CRADD: variants seen among roughly 807,000 people sequenced by gnomAD.
CRADD encodes the protein death domain-containing protein CRADD.
CRADD carries 9 observed loss-of-function variants against 15.5 expected under a neutral mutation model. The ratio of observed to expected loss-of-function variants is 0.58; its 90% CI spans 0.35 to 1.01. CRADD has a LOEUF of 1.01. CRADD is among the 50% of genes least tolerant of loss of function. The pLI is 0.02. For synonymous variants in CRADD, 118 were observed against 107.6 expected (o/e 1.10, Z -0.60); for missense variants, 227 against 250.3 (o/e 0.91, Z 0.63).
chr12:93,757,209 C>T (rs1227784381), intron 2 of CRADD, among the ~76,000 whole-genome samples: 1 of 152,318 alleles, frequency 6.6e-6, no homozygotes, highest in East Asian at 1.9e-4. Context: ...TAGTAGTACA[C>T]TTAGAGTCTA....
rs759429176 is a variant in CRADD at position 93,678,811 on chromosome 12, C to T, written c.37C>T (p.Arg13Cys). 5.6e-6 allele frequency: 9 copies of T among 1,614,082 alleles called. No homozygotes were observed. The highest frequency in any genetic ancestry group is 2.2e-5 in the South Asian group (2 of 91,074). ...ARDKQVLRSL[R>C]LELGAEVLVE... is the part of the protein sequence containing the mutation. ...AGACAAACAAGTACTCCGCTCACTTCGCCTGGAGCTGGGTGCAGAGGTATT... is the reference window on the plus strand; with the variant it reads ...AGACAAACAAGTACTCCGCTCACTTTGCCTGGAGCTGGGTGCAGAGGTATT... Residue 13 changes from arginine (R) to cysteine (C), a missense_variant, in exon 2 of 3, where the codon CGC becomes TGC. By Grantham distance (180) the Arg-to-Cys change is radical. Transcript: ENST00000332896.
chr12:93,876,107 C>T (rs1958456445), intron 2 of CRADD, among the ~76,000 whole-genome samples: 1 of 152,100 alleles, frequency 6.6e-6, no homozygotes, highest in Non-Finnish European at 1.5e-5. Flanking sequence ...GTATTTTCTT[C>T]TTTCAGCACT....
chr12:93,884,720 C>T (rs577528395), intron 2 of CRADD, among the ~76,000 whole-genome samples: 7 of 152,200 alleles, frequency 4.6e-5, no homozygotes, highest in South Asian at 2.1e-4. Flanking sequence ...TCTATGTGCC[C>T]GTGAGCCTAA....
At chr12:93,811,699 G>A (rs1026399107) in intron 2 of CRADD, among the ~76,000 whole-genome samples, 2 of 152,128 alleles carry the variant, frequency 1.3e-5, no homozygotes, top group Admixed American at 6.5e-5. Flanking sequence ...AAGGCAAAAT[G>A]GTACAGCAAC....
chr12:93,692,288 T>C lies in CRADD; in HGVS notation c.298+13216T>C, dbSNP rs59715568. 4.5e-3 allele frequency among the ~76,000 whole-genome samples: 687 copies of C among 152,160 alleles called. 2 individuals are homozygous for C. The highest frequency in any genetic ancestry group is 0.016 in the African/African-American group (661 of 41,506). ...AGGAGTTAAGGCAGAGGAAGAGAGA[T>C]AAAGTGGTAGAAAGCTGTTTTAAAG... On this transcript the variant is annotated intron_variant, in intron 2 of 2. Transcript: ENST00000332896.
At chr12:93,865,821 G>A (rs1053705180) in intron 2 of CRADD, among the ~76,000 whole-genome samples, 1 of 96,258 alleles carries the variant, frequency 1.0e-5, no homozygotes, top group African/African-American at 3.8e-5. Flanking sequence ...TTGTTGTATT[G>A]TTATTTTTTT....
At chr12:93,680,777 A>G (rs1382073608) in intron 2 of CRADD, among the ~76,000 whole-genome samples, 2 of 152,230 alleles carry the variant, frequency 1.3e-5, no homozygotes, top group African/African-American at 2.4e-5. Flanking sequence ...TGGAAACAAC[A>G]AAACAGGTGA....
chr12:93,768,312 T>C (rs1363425102), intron 2 of CRADD, among the ~76,000 whole-genome samples: 3 of 152,234 alleles, frequency 2.0e-5, no homozygotes, highest in Admixed American at 2.0e-4. Flanking sequence ...TCAACATTCA[T>C]ATTGCTTCAC....
chr12:93,802,069 C>T (rs76674870), intron 2 of CRADD, among the ~76,000 whole-genome samples: 13,572 of 151,906 alleles, frequency 0.089, 654 homozygotes, highest in East Asian at 0.16. Context: ...ATATATACAC[C>T]GTGTTTTCTT....
At chr12:93,776,074 C>A (rs1175943916) in intron 2 of CRADD, among the ~76,000 whole-genome samples, 1 of 152,088 alleles carries the variant, frequency 6.6e-6, no homozygotes, top group African/African-American at 2.4e-5. Context: ...AATATATCCT[C>A]TTTTATCTGA....
chr12:93,772,359 T>G (rs901060617), intron 2 of CRADD, among the ~76,000 whole-genome samples: 3 of 152,226 alleles, frequency 2.0e-5, no homozygotes, highest in Admixed American at 2.0e-4. Context: ...GAATGTGCCC[T>G]TTACAAAAGA....
At chr12:93,727,557 A>G (rs1376213640) in intron 2 of CRADD, among the ~76,000 whole-genome samples, 1 of 152,176 alleles carries the variant, frequency 6.6e-6, no homozygotes, top group Non-Finnish European at 1.5e-5. Context: ...ATAGCACTTT[A>G]TGGGCTTTAA....
intron 2 of CRADD, among the ~76,000 whole-genome samples, chr12:93,783,983 G>C (rs1273316952): frequency 1.3e-5 from 2 of 152,202 alleles, no homozygotes; most frequent in African/African-American, 2.4e-5. Flanking sequence ...TCAGGGAAGA[G>C]AGTGAGTAGC....
intron 2 of CRADD, among the ~76,000 whole-genome samples, chr12:93,785,016 T>C (rs1410843836): frequency 6.6e-6 from 1 of 152,288 alleles, no homozygotes; most frequent in East Asian, 1.9e-4. Context: ...AAAAGAATGA[T>C]ATTTTGACAA....
chr12:93,782,576 A>G (rs1203546685), intron 2 of CRADD, among the ~76,000 whole-genome samples: 1 of 151,424 alleles, frequency 6.6e-6, no homozygotes, highest in Non-Finnish European at 1.5e-5. Flanking sequence ...CCTGGGCAAC[A>G]GCGAGACTCC....
chr12:93,843,450 G>A (rs1285571396), intron 2 of CRADD, among the ~76,000 whole-genome samples: 14 of 141,122 alleles, frequency 9.9e-5, no homozygotes, highest in Non-Finnish European at 1.5e-4. Context: ...GCGTGATCTC[G>A]CTCACTGCAA....
chr12:93,866,846 C>G (rs1958371468), intron 2 of CRADD, among the ~76,000 whole-genome samples: 1 of 152,212 alleles, frequency 6.6e-6, no homozygotes, highest in African/African-American at 2.4e-5. Flanking sequence ...GGGCCATGAG[C>G]TGTGGCAGAG....
chr12:93,757,448 G>A (rs1249066461), intron 2 of CRADD, among the ~76,000 whole-genome samples: 1 of 152,186 alleles, frequency 6.6e-6, no homozygotes, highest in African/African-American at 2.4e-5. Context: ...AAAATACAAA[G>A]GAAGTTTAAT....
chr12:93,684,269 G>T (rs901976895), intron 2 of CRADD, among the ~76,000 whole-genome samples: 1 of 152,194 alleles, frequency 6.6e-6, no homozygotes, highest in Admixed American at 6.5e-5. Context: ...TTCAACCAAC[G>T]GGAGAGTTGG....
Sources: gnomAD v4.1 joint callset for allele counts (sites outside exome capture counted in the v4.1 genomes callset) on GRCh38, gnomAD v4.1.1 for gene constraint, MANE v1.5 for transcripts, NCBI Gene and HGNC (gene_info 2026-07-23, HGNC 2026-07-21) for gene names.